PRR11: variants seen among roughly 807,000 people sequenced by gnomAD.
PRR11 encodes the protein proline rich 11, also known as proline-rich protein 11.
Under a neutral mutation model 45.6 loss-of-function variants are expected in PRR11, and 30 were observed. The ratio of observed to expected loss-of-function variants is 0.66; its 90% CI spans 0.49 to 0.89. PRR11 has a LOEUF of 0.89. Among genes scored for constraint, PRR11 ranks in the 40% least tolerant of loss-of-function variants. The probability of loss-of-function intolerance (pLI) is 0.00; values close to 1 mark genes in which losing one functional copy is unlikely to be tolerated. For missense variants in PRR11, 373 were observed against 424.8 expected (o/e 0.88, Z 1.07); for synonymous variants, 128 against 153.5 (o/e 0.83, Z 1.23).
At chr17:59,196,372 T>C (rs1452370736) in intron 7 of PRR11, among the ~76,000 whole-genome samples, 2 of 152,056 alleles carry the variant, frequency 1.3e-5, no homozygotes, top group Non-Finnish European at 2.9e-5. Flanking sequence ...TATTTATTTA[T>C]TTTTTGTATT....
intron 1 of PRR11, among the ~76,000 whole-genome samples, chr17:59,169,195 T>C (rs2147836861): frequency 6.9e-6 from 1 of 145,660 alleles, no homozygotes; most frequent in South Asian, 2.1e-4. Context: ...GCCTCCCGAG[T>C]TCAAGCGATT....
At chr17:59,176,492 C>T (rs1430833603) in intron 2 of PRR11, among the ~76,000 whole-genome samples, 3 of 151,910 alleles carry the variant, frequency 2.0e-5, no homozygotes, top group African/African-American at 7.3e-5. Context: ...GTCATGGGAA[C>T]CCGGAGGAGG....
At chr17:59,193,349 T>A in intron 4 of PRR11, 143 bp from the exon 5 acceptor site, 1 of 1,059,958 alleles carries the variant, frequency 9.4e-7, no homozygotes, top group Non-Finnish European at 1.3e-6. Flanking sequence ...AAGAAACTTA[T>A]GATTATAAAT....
At chr17:59,177,751 C>G (rs1599698163) in intron 2 of PRR11, among the ~76,000 whole-genome samples, 1 of 152,118 alleles carries the variant, frequency 6.6e-6, no homozygotes, top group Non-Finnish European at 1.5e-5. Flanking sequence ...AGTGGCAGCT[C>G]AAGCCTGTGA....
chr17:59,165,819 A>G (rs1349617593), intron 1 of PRR11, among the ~76,000 whole-genome samples: 1 of 152,100 alleles, frequency 6.6e-6, no homozygotes, highest in Non-Finnish European at 1.5e-5. Context: ...CAAACAAAAC[A>G]AAAAAATCCT....
intron 7 of PRR11, among the ~76,000 whole-genome samples, chr17:59,196,699 G>C (rs1406634589): frequency 6.6e-6 from 1 of 151,744 alleles, no homozygotes; most frequent in East Asian, 2.0e-4. Context: ...TTTAATTTCT[G>C]TAAGTCTTCA....
intron 1 of PRR11, among the ~76,000 whole-genome samples, chr17:59,167,537 G>GACCTACTTAAAA: frequency 6.6e-6 from 1 of 152,202 alleles, no homozygotes; most frequent in Middle Eastern, 3.4e-3. Flanking sequence ...AGAAAGTAAA[G>GACCTACTTAAAA]GAATAAAAAA....
intron 2 of PRR11, among the ~76,000 whole-genome samples, chr17:59,184,844 G>A (rs2046805654): frequency 7.2e-6 from 1 of 138,086 alleles, no homozygotes; most frequent in Admixed American, 7.3e-5. Context: ...CACCATGCCT[G>A]ATTAAGTTTT....
chr17:59,182,836 G>A (rs1485846899), intron 2 of PRR11, among the ~76,000 whole-genome samples: 4 of 152,088 alleles, frequency 2.6e-5, no homozygotes. Flanking sequence ...TCATCCTGGG[G>A]GTGCGGTTGA....
chr17:59,175,347 G>A (rs1194043421), intron 2 of PRR11, among the ~76,000 whole-genome samples: 10 of 152,232 alleles, frequency 6.6e-5, no homozygotes, highest in Non-Finnish European at 7.3e-5. Flanking sequence ...ACTGGTGGCC[G>A]AGAGTGGTGG....
chr17:59,174,905 C>T, intron 2 of PRR11: 1 of 1,127,332 alleles, frequency 8.9e-7, no homozygotes, highest in Non-Finnish European at 1.3e-6. Flanking sequence ...CTTGTCCAGC[C>T]TCCAGCCCAC....
chr17:59,167,630 G>A (rs2046686313), intron 1 of PRR11, among the ~76,000 whole-genome samples: 2 of 152,120 alleles, frequency 1.3e-5, no homozygotes. Flanking sequence ...AACAAGGGGT[G>A]GATTATTCAT....
intron 1 of PRR11, among the ~76,000 whole-genome samples, chr17:59,157,295 C>G (rs2046630336): frequency 6.6e-6 from 1 of 152,118 alleles, no homozygotes; most frequent in African/African-American, 2.4e-5. Context: ...CACAGTCCAG[C>G]AGGATGACAA....
intron 5 of PRR11, among the ~76,000 whole-genome samples, chr17:59,194,039 T>A (rs1168927114): frequency 6.6e-6 from 1 of 152,118 alleles, no homozygotes; most frequent in Non-Finnish European, 1.5e-5. Context: ...AAATTTAGAA[T>A]AGAAGATTGC....
chr17:59,201,404 C>T (rs115265850), intron 9 of PRR11, among the ~76,000 whole-genome samples, 159 bp from the exon 10 acceptor site: 5,081 of 152,260 alleles, frequency 0.033, 319 homozygotes, highest in African/African-American at 0.12. Context: ...AAGCCCTATC[C>T]AGGAACTTCT....
chr17:59,178,854 G>C (rs1301862681), intron 2 of PRR11, among the ~76,000 whole-genome samples: 1 of 152,312 alleles, frequency 6.6e-6, no homozygotes, highest in East Asian at 1.9e-4. Flanking sequence ...TTCCTCATGA[G>C]ACAGTCACAT....
At chr17:59,194,219 A>G (rs2046853584) in intron 5 of PRR11, among the ~76,000 whole-genome samples, 2 of 151,264 alleles carry the variant, frequency 1.3e-5, no homozygotes, top group South Asian at 4.2e-4. Flanking sequence ...TTCACTATGG[A>G]TAATTTGGTT....
At chr17:59,192,777 C>A (rs147899225) in intron 4 of PRR11, among the ~76,000 whole-genome samples, 162 of 152,348 alleles carry the variant, frequency 1.1e-3, no homozygotes, top group African/African-American at 3.8e-3. Context: ...AATATAGTCA[C>A]ATTCTGATGT....
chr17:59,158,698 A>C (rs1237613972), intron 1 of PRR11, among the ~76,000 whole-genome samples: 1 of 152,220 alleles, frequency 6.6e-6, no homozygotes, highest in East Asian at 1.9e-4. Context: ...CTAAGTAAAA[A>C]CAGTAAAGGA....
Sources: gnomAD v4.1 joint callset for allele counts (sites outside exome capture counted in the v4.1 genomes callset) on GRCh38, gnomAD v4.1.1 for gene constraint, MANE v1.5 for transcripts, NCBI Gene and HGNC (gene_info 2026-07-23, HGNC 2026-07-21) for gene names.